IQGAP2: variants seen among roughly 807,000 people sequenced by gnomAD.
IQGAP2 encodes IQ motif containing GTPase activating protein 2.
IQGAP2 carries 173 observed loss-of-function variants against 201.3 expected under a neutral mutation model. The ratio of observed to expected loss-of-function variants is 0.86; its 90% CI spans 0.76 to 0.98. IQGAP2 has a LOEUF of 0.98. IQGAP2 is among the 50% of genes least tolerant of loss of function. IQGAP2 has a pLI of 0.00. For synonymous variants in IQGAP2, 675 were observed against 673.9 expected (o/e 1.00, Z -0.03); for missense variants, 1,687 against 1,864.8 (o/e 0.90, Z 1.76).
rs548494018 is a variant in IQGAP2, at chr5:76,663,635, T to A, written c.2530-1391T>A. 2.0e-5 allele frequency among the ~76,000 whole-genome samples: 3 copies of A among 152,280 alleles called. No individual in the cohort carries two copies. In the East Asian group the frequency reaches 5.8e-4, roughly 29 times the overall value. Reference sequence around the variant, plus strand: ...CACTAATAAAAGATGGAAAATGTATTTCTTACTGCGGGTCCCAGACTTCTG... The same window carrying A: ...CACTAATAAAAGATGGAAAATGTATATCTTACTGCGGGTCCCAGACTTCTG... On this transcript the variant is annotated intron_variant, in intron 21 of 35. Transcript: ENST00000274364.
intron 2 of IQGAP2, among the ~76,000 whole-genome samples, chr5:76,486,932 A>G (rs1273699081): frequency 1.4e-4 from 21 of 152,104 alleles, no homozygotes; most frequent in Admixed American, 1.4e-3. Flanking sequence ...AGGACTATCT[A>G]GAATATATGA....
intron 1 of IQGAP2, among the ~76,000 whole-genome samples, chr5:76,427,340 C>A (rs1401357243): frequency 6.6e-6 from 1 of 152,158 alleles, no homozygotes; most frequent in Non-Finnish European, 1.5e-5. Flanking sequence ...ATACCATTTA[C>A]TGGACCAATT....
Position 76,671,809 on chromosome 5 carries a change from T to C in IQGAP2, c.2894T>C (p.Ile965Thr), listed in dbSNP as rs1317575334. 1.2e-6 allele frequency: 2 copies of C among 1,613,934 alleles called. No homozygotes were observed. Among genetic ancestry groups the C allele is most frequent in the African/African-American group, 1.3e-5 (1 of 74,974 alleles). The change falls in exon 24 of 36, where the codon ATC becomes ACC. Residue 965 changes from isoleucine to threonine, a missense_variant. Coordinates refer to ENST00000274364, the MANE Select transcript of IQGAP2 (RefSeq NM_006633.5). The part of the protein sequence containing the change: ...QDIVTGNPTV[I>T]KMVVSFNRGA... Reference sequence around the variant, plus strand: ...ATAGTTACTGGTAACCCTACAGTCATCAAGATGGTCGTCAGCTTCAATAGA... The same window carrying C: ...ATAGTTACTGGTAACCCTACAGTCACCAAGATGGTCGTCAGCTTCAATAGA...
intron 2 of IQGAP2, among the ~76,000 whole-genome samples, chr5:76,469,371 C>T (rs141539248): frequency 1.8e-4 from 28 of 151,782 alleles, no homozygotes; most frequent in African/African-American, 6.0e-4. Context: ...GAAGTCTTTA[C>T]GTATAGATGT....
At chr5:76,580,772 C>T (rs1269713641) in intron 5 of IQGAP2, among the ~76,000 whole-genome samples, 3 of 152,200 alleles carry the variant, frequency 2.0e-5, no homozygotes, top group African/African-American at 7.2e-5. Context: ...TATCCTTGCT[C>T]GTGGTCACAA....
Position 76,674,022 on chromosome 5 carries a change from G to A in IQGAP2, c.3280G>A (p.Asp1094Asn). 1 of 1,603,914 alleles carries A rather than the reference G, an allele frequency of 6.2e-7. No homozygotes were observed. Among genetic ancestry groups the A allele is most frequent in the African/African-American group, 1.3e-5 (1 of 74,798 alleles). Residue 1094 changes from aspartate (D) to asparagine (N), a missense_variant, in exon 26 of 36, where the codon GAT becomes AAT. Transcript: ENST00000274364. ...IHEKFPDATE[D>N]ELLKIVGNLL... ...TGAGAAATTCCCCGATGCAACAGAA[G>A]ATGAGCTATTAAAGGTAGATTTTCA... is the stretch of plus-strand genomic sequence containing the variant.
chr5:76,488,426 C>T (rs1172261613), intron 2 of IQGAP2, among the ~76,000 whole-genome samples: 1 of 152,024 alleles, frequency 6.6e-6, no homozygotes, highest in African/African-American at 2.4e-5. Flanking sequence ...TAATGAATGC[C>T]TATCTTTTAA....
chr5:76,432,064 A>G (rs1030439873), intron 1 of IQGAP2, among the ~76,000 whole-genome samples: 1 of 151,194 alleles, frequency 6.6e-6, no homozygotes, highest in Admixed American at 6.6e-5. Context: ...AATCAAATTA[A>G]GGAAATTTGG....
At chr5:76,496,761 C>CTT (rs368129209) in intron 2 of IQGAP2, among the ~76,000 whole-genome samples, 7 of 89,048 alleles carry the variant, frequency 7.9e-5, no homozygotes, top group African/African-American at 3.0e-4. Context: ...TTCTTTCTTT[C>CTT]TTTCTTTCTT....
chr5:76,687,015 G>A (rs1232894519), intron 30 of IQGAP2, among the ~76,000 whole-genome samples: 1 of 152,166 alleles, frequency 6.6e-6, no homozygotes, highest in Non-Finnish European at 1.5e-5. Context: ...GATCACTGTA[G>A]CTTTGTAATG....
At chr5:76,474,922 G>A (rs1308328826) in intron 2 of IQGAP2, among the ~76,000 whole-genome samples, 2 of 152,200 alleles carry the variant, frequency 1.3e-5, no homozygotes, top group Non-Finnish European at 2.9e-5. Context: ...ATATTGGTCA[G>A]GCTGGTCTTG....
intron 2 of IQGAP2, among the ~76,000 whole-genome samples, chr5:76,493,833 T>G (rs1756715059): frequency 6.6e-6 from 1 of 152,204 alleles, no homozygotes; most frequent in Non-Finnish European, 1.5e-5. Context: ...CACTACCAAG[T>G]GGATTTTGTT....
At chr5:76,452,774 A>C (rs1256853062) in intron 1 of IQGAP2, among the ~76,000 whole-genome samples, 1 of 152,172 alleles carries the variant, frequency 6.6e-6, no homozygotes, top group Non-Finnish European at 1.5e-5. Context: ...TGAACTTTGG[A>C]ACCAGTTGTT....
chr5:76,695,447 T>C lies in IQGAP2; in HGVS notation c.3994-7T>C, dbSNP rs779500879. Reference sequence around the variant, plus strand: ...GAAAACTCAGCATCTTGATATTCTCTTTTCAGGAGGTAGACCATGCCACGG... The same window carrying C: ...GAAAACTCAGCATCTTGATATTCTCCTTTCAGGAGGTAGACCATGCCACGG... On this transcript the variant is annotated splice_polypyrimidine_tract_variant and splice_region_variant and intron_variant, in intron 31 of 35. Coordinates refer to ENST00000274364, the MANE Select transcript of IQGAP2 (RefSeq NM_006633.5). 6.2e-7 allele frequency: 1 copy of C among 1,612,738 alleles called. No homozygotes were observed.
At chr5:76,562,247 A>G (rs1744427426) in intron 2 of IQGAP2, 149 bp from the exon 3 acceptor site, 1 of 573,546 alleles carries the variant, frequency 1.7e-6, no homozygotes, top group Non-Finnish European at 3.0e-6. Flanking sequence ...TCCACCCAGA[A>G]AGTCTTCCCT....
intron 8 of IQGAP2, 41 bp from the exon 9 acceptor site, chr5:76,592,797 T>G: frequency 7.8e-7 from 1 of 1,286,190 alleles, no homozygotes; most frequent in Non-Finnish European, 1.1e-6. Context: ...TTGGAAATAT[T>G]TTATTTAACC....
chr5:76,668,550 T>C (rs1743996023), intron 22 of IQGAP2, 131 bp from the exon 23 acceptor site: 1 of 670,038 alleles, frequency 1.5e-6, no homozygotes, highest in Non-Finnish European at 2.5e-6. Flanking sequence ...TTTTATATAC[T>C]CATCTATATG....
At chr5:76,535,545 A>G (rs1759572407) in intron 2 of IQGAP2, among the ~76,000 whole-genome samples, 1 of 152,196 alleles carries the variant, frequency 6.6e-6, no homozygotes, top group Non-Finnish European at 1.5e-5. Context: ...AGAGCATTCA[A>G]CGAACATGGG....
chr5:76,665,484 C>G (rs1001098876), intron 22 of IQGAP2, among the ~76,000 whole-genome samples: 5 of 152,082 alleles, frequency 3.3e-5, no homozygotes, highest in African/African-American at 1.2e-4. Context: ...AGAGACCATG[C>G]TCTTTACAGT....
Sources: gnomAD v4.1 joint callset for allele counts (sites outside exome capture counted in the v4.1 genomes callset) on GRCh38, gnomAD v4.1.1 for gene constraint, MANE v1.5 for transcripts, NCBI Gene and HGNC (gene_info 2026-07-23, HGNC 2026-07-21) for gene names.